Variants in CACNA2D3 observed in about 807,000 individuals in gnomAD.
CACNA2D3 encodes voltage-dependent calcium channel subunit alpha-2/delta-3.
In CACNA2D3, 60 loss-of-function variants were observed where a neutral mutation model predicts 160.6. The ratio of observed to expected loss-of-function variants is 0.37; its 90% CI spans 0.30 to 0.46. The LOEUF (loss-of-function observed/expected upper bound fraction) is 0.46. Ranked by LOEUF, CACNA2D3 falls within the 20% of genes least tolerant of loss-of-function variation. CACNA2D3 has a pLI of 1.00. For missense variants in CACNA2D3, 1,205 were observed against 1,365.0 expected (o/e 0.88, Z 1.85); for synonymous variants, 558 against 492.9 (o/e 1.13, Z -1.75).
intron 11 of CACNA2D3, among the ~76,000 whole-genome samples, chr3:54,687,121 C>CTTTTTCTTTTTT: frequency 1.8e-4 from 17 of 94,972 alleles, no homozygotes; most frequent in Non-Finnish European, 2.3e-4. Context: ...TTTTCTTTTT[C>CTTTTTCTTTTTT]TTTTTTTTTT....
At chr3:54,613,825 C>T (rs370396176) in intron 9 of CACNA2D3, among the ~76,000 whole-genome samples, 1 of 152,156 alleles carries the variant, frequency 6.6e-6, no homozygotes, top group African/African-American at 2.4e-5. Context: ...AGCCTTGGTA[C>T]CTACAAACAC....
intron 27 of CACNA2D3, among the ~76,000 whole-genome samples, chr3:54,957,932 C>T (rs1701941779): frequency 6.6e-6 from 1 of 152,236 alleles, no homozygotes; most frequent in Non-Finnish European, 1.5e-5. Context: ...CTCTCTGTTG[C>T]TCTTGGGACA....
intron 8 of CACNA2D3, among the ~76,000 whole-genome samples, chr3:54,579,222 T>C (rs1702635459): frequency 6.6e-6 from 1 of 152,038 alleles, no homozygotes; most frequent in Non-Finnish European, 1.5e-5. Flanking sequence ...TGAGGAAAGG[T>C]TGGTTCAGCA....
chr3:54,359,537 A>G (rs1698707431), intron 3 of CACNA2D3, among the ~76,000 whole-genome samples: 1 of 152,222 alleles, frequency 6.6e-6, no homozygotes, highest in Non-Finnish European at 1.5e-5. Context: ...ATGTCACGCA[A>G]GAAACCAATG....
At chr3:54,980,470 C>G (rs1410280647) in intron 29 of CACNA2D3, among the ~76,000 whole-genome samples, 2 of 152,230 alleles carry the variant, frequency 1.3e-5, no homozygotes, top group African/African-American at 4.8e-5. Context: ...ACCCTTTAAT[C>G]TAGGCAGAAA....
At chr3:54,148,851 T>TGC (rs1324510144) in intron 2 of CACNA2D3, among the ~76,000 whole-genome samples, 4 of 151,296 alleles carry the variant, frequency 2.6e-5, no homozygotes, top group Non-Finnish European at 5.9e-5. Flanking sequence ...GTGGTGGGCA[T>TGC]CTGTAATCCC....
At chr3:54,451,229 C>CTTTTTTTTTTTTTTTTTTTTTTTTT (rs71074970) in intron 4 of CACNA2D3, among the ~76,000 whole-genome samples, 1 of 51,730 alleles carries the variant, frequency 1.9e-5, no homozygotes, top group African/African-American at 8.6e-5. Context: ...ATATAATAAT[C>CTTTTTTTTTTTTTTTTTTTTTTTTT]TTTTTTTTTT....
intron 16 of CACNA2D3, among the ~76,000 whole-genome samples, chr3:54,841,996 A>G (rs1698829912): frequency 6.6e-6 from 1 of 152,220 alleles, no homozygotes; most frequent in South Asian, 2.1e-4. Flanking sequence ...GGACAGGAAG[A>G]CTGGTTCTAT....
At chr3:54,941,192 T>G (rs1701457954) in intron 27 of CACNA2D3, among the ~76,000 whole-genome samples, 1 of 152,176 alleles carries the variant, frequency 6.6e-6, no homozygotes, top group Non-Finnish European at 1.5e-5. Flanking sequence ...TCATCAAACT[T>G]GTTCAAGTTG....
chr3:54,724,926 C>T (rs1347735522), intron 11 of CACNA2D3, among the ~76,000 whole-genome samples: 1 of 152,076 alleles, frequency 6.6e-6, no homozygotes, highest in Non-Finnish European at 1.5e-5. Context: ...CAGAGCAGAA[C>T]TGAAGGAGAT....
intron 2 of CACNA2D3, among the ~76,000 whole-genome samples, chr3:54,176,406 C>CT (rs899999118): frequency 6.6e-6 from 1 of 152,180 alleles, no homozygotes; most frequent in Non-Finnish European, 1.5e-5. Flanking sequence ...TGAAGCTTTT[C>CT]TTTTTGTGTG....
intron 2 of CACNA2D3, among the ~76,000 whole-genome samples, chr3:54,183,532 T>TA (rs201467079): frequency 3.3e-4 from 50 of 149,376 alleles, no homozygotes; most frequent in African/African-American, 1.0e-3. Flanking sequence ...GCCCATAGAT[T>TA]AAAAAAAAAA....
At chr3:55,073,923 G>T in intron 37 of CACNA2D3, 64 bp downstream of exon 37, 3 of 1,343,414 alleles carry the variant, frequency 2.2e-6, no homozygotes, top group Non-Finnish European at 2.1e-6. Context: ...TCTCACACTG[G>T]TCAAAGAACT....
chr3:54,847,747 G>T (rs1204112563), intron 17 of CACNA2D3, among the ~76,000 whole-genome samples: 1 of 152,188 alleles, frequency 6.6e-6, no homozygotes, highest in Non-Finnish European at 1.5e-5. Flanking sequence ...TGAAAAAGCG[G>T]CTGTCTTTTT....
intron 9 of CACNA2D3, among the ~76,000 whole-genome samples, chr3:54,610,241 A>G (rs1698723299): frequency 6.6e-6 from 1 of 152,128 alleles, no homozygotes; most frequent in Admixed American, 6.5e-5. Context: ...TGGGGTTTGG[A>G]CTTCAACATG....
intron 8 of CACNA2D3, among the ~76,000 whole-genome samples, chr3:54,571,949 T>C (rs1378456129): frequency 1.3e-5 from 2 of 152,200 alleles, no homozygotes; most frequent in Admixed American, 6.5e-5. Context: ...ACAGGGCTCC[T>C]TAGCCAGTGG....
At chr3:54,485,720 C>G (rs1022909477) in intron 4 of CACNA2D3, among the ~76,000 whole-genome samples, 1 of 152,090 alleles carries the variant, frequency 6.6e-6, no homozygotes, top group Non-Finnish European at 1.5e-5. Flanking sequence ...TGCAACAGCA[C>G]GCTTAGCCAA....
At chr3:54,603,039 C>T (rs1703092560) in intron 9 of CACNA2D3, among the ~76,000 whole-genome samples, 1 of 152,186 alleles carries the variant, frequency 6.6e-6, no homozygotes, top group Admixed American at 6.5e-5. Flanking sequence ...TGGGTGGTCC[C>T]TCTCTGTTCG....
rs181791723 is a variant in CACNA2D3 at position 54,992,402 on chromosome 3, G to A, written c.2690+4649G>A. On this transcript the variant is annotated intron_variant, in intron 31 of 37. Transcript: ENST00000474759. Reference sequence around the variant, plus strand: ...ATGCCTACAGCCCACCCTCCTGAGTGTGGGCACTCAGCTTCCTTCCTGGAT... The same window carrying A: ...ATGCCTACAGCCCACCCTCCTGAGTATGGGCACTCAGCTTCCTTCCTGGAT... Among the ~76,000 whole-genome samples, 9 of 152,268 alleles carry A rather than the reference G, an allele frequency of 5.9e-5. 1 individual carries two copies. The highest frequency in any genetic ancestry group is 1.9e-4 in the East Asian group (1 of 5,164).
Sources: gnomAD v4.1 joint callset for allele counts (sites outside exome capture counted in the v4.1 genomes callset) on GRCh38, gnomAD v4.1.1 for gene constraint, MANE v1.5 for transcripts, NCBI Gene and HGNC (gene_info 2026-07-23, HGNC 2026-07-21) for gene names.